The following ASIC2 variants were observed in gnomAD, a reference collection of about 807,000 sequenced individuals.
The protein encoded by ASIC2 is acid sensing ion channel subunit 2.
Under a neutral mutation model 57.3 loss-of-function variants are expected in ASIC2, and 25 were observed. That is an observed-to-expected ratio of 0.44 (90% CI 0.32 to 0.61). The LOEUF is 0.61. Ranked by LOEUF, ASIC2 falls within the 20% of genes least tolerant of loss-of-function variation. ASIC2 has a pLI of 0.06. For synonymous variants in ASIC2, 319 were observed against 307.5 expected, an observed-to-expected ratio of 1.04 and a Z score of -0.39; for missense variants, 641 against 738.1, an observed-to-expected ratio of 0.87 and a Z score of 1.52.
In ASIC2 at chr17:33,425,936, T is replaced by C. The variant is rs150806232; in HGVS notation, c.556-313869A>G. On this transcript the variant is annotated intron_variant, in intron 1 of 9. Transcript: ENST00000359872. ...CGGTCAGGCGCAGCGCCAACAAAAA[T>C]GGCTGTAGGGGTGGAAGGTGAAGCG... Among the ~76,000 whole-genome samples the C allele has an allele frequency of 3.3e-3, 503 of 152,116 alleles. 4 individuals carry two copies. The highest frequency in any genetic ancestry group is 0.012 in the African/African-American group (482 of 41,504).
intron 1 of ASIC2, among the ~76,000 whole-genome samples, chr17:33,761,641 G>A (rs1910783546): frequency 6.6e-6 from 1 of 152,102 alleles, no homozygotes; most frequent in African/African-American, 2.4e-5. Flanking sequence ...GAAATGCCAT[G>A]GCCAAGAACA....
intron 1 of ASIC2, among the ~76,000 whole-genome samples, chr17:33,778,617 C>T (rs1911354436): frequency 6.6e-6 from 1 of 152,132 alleles, no homozygotes; most frequent in Non-Finnish European, 1.5e-5. Context: ...AACAGGCGGC[C>T]TGATATCATA....
At chr17:33,255,306 C>G (rs1187990064) in intron 1 of ASIC2, among the ~76,000 whole-genome samples, 3 of 151,872 alleles carry the variant, frequency 2.0e-5, no homozygotes, top group Non-Finnish European at 1.5e-5. Flanking sequence ...TCCCAAAGTG[C>G]TGGGATTATA....
chr17:33,797,957 C>T (rs759703186), intron 1 of ASIC2, among the ~76,000 whole-genome samples: 13 of 151,938 alleles, frequency 8.6e-5, no homozygotes, highest in East Asian at 3.9e-4. Flanking sequence ...CAGAGCCTGG[C>T]GAGAGAGGGA....
intron 1 of ASIC2, among the ~76,000 whole-genome samples, chr17:33,813,851 G>A (rs1350481871): frequency 2.6e-5 from 4 of 152,180 alleles, no homozygotes; most frequent in Non-Finnish European, 5.9e-5. Flanking sequence ...TTGCTGCCTG[G>A]GAACAGGCAC....
intron 1 of ASIC2, among the ~76,000 whole-genome samples, chr17:34,018,307 T>A (rs888902017): frequency 1.4e-4 from 22 of 152,200 alleles, no homozygotes; most frequent in Non-Finnish European, 7.3e-5. Context: ...ACTGTTGAGA[T>A]CTACTGCACA....
At chr17:34,120,804 T>C (rs1911595857) in intron 1 of ASIC2, among the ~76,000 whole-genome samples, 2 of 136,292 alleles carry the variant, frequency 1.5e-5, no homozygotes, top group African/African-American at 5.5e-5. Context: ...AATGGCACCA[T>C]CTCGGCTCAC....
chr17:33,878,967 A>G (rs1201724390), intron 1 of ASIC2, among the ~76,000 whole-genome samples: 2 of 152,208 alleles, frequency 1.3e-5, no homozygotes, highest in Non-Finnish European at 2.9e-5. Flanking sequence ...ATTCTTAAAG[A>G]AAAGAATTTT....
intron 5 of ASIC2, among the ~76,000 whole-genome samples, chr17:33,024,435 G>A (rs2091851154): frequency 6.6e-6 from 1 of 152,170 alleles, no homozygotes; most frequent in Admixed American, 6.5e-5. Context: ...CATAGCCAGT[G>A]CCCCACCTTC....
At chr17:33,922,351 C>T (rs942001595) in intron 1 of ASIC2, among the ~76,000 whole-genome samples, 1 of 151,898 alleles carries the variant, frequency 6.6e-6, no homozygotes, top group Admixed American at 6.6e-5. Context: ...GGATAACCAA[C>T]TTATTTCTAC....
At chr17:33,328,057 T>G (rs1433584919) in intron 1 of ASIC2, among the ~76,000 whole-genome samples, 1 of 152,224 alleles carries the variant, frequency 6.6e-6, no homozygotes, top group African/African-American at 2.4e-5. Context: ...AATATAGCCC[T>G]GCTAACATTT....
At chr17:33,022,563 A>G (rs922444881) in intron 6 of ASIC2, among the ~76,000 whole-genome samples, 2 of 152,168 alleles carry the variant, frequency 1.3e-5, no homozygotes, top group African/African-American at 4.8e-5. Context: ...GCTCTGACAT[A>G]TCCATGTTCC....
intron 1 of ASIC2, among the ~76,000 whole-genome samples, chr17:34,048,070 T>C (rs987404200): frequency 1.3e-5 from 2 of 152,122 alleles, no homozygotes; most frequent in African/African-American, 4.8e-5. Flanking sequence ...CTTGGAGAGA[T>C]TTTTCTTCTA....
chr17:33,606,458 G>A (rs953703736), intron 1 of ASIC2, among the ~76,000 whole-genome samples: 1 of 152,220 alleles, frequency 6.6e-6, no homozygotes, highest in African/African-American at 2.4e-5. Context: ...AGAGGCATAC[G>A]GGCTCCACAG....
At chr17:33,554,414 T>C (rs1045498541) in intron 1 of ASIC2, among the ~76,000 whole-genome samples, 1 of 151,700 alleles carries the variant, frequency 6.6e-6, no homozygotes, top group African/African-American at 2.4e-5. Flanking sequence ...TGGATGGGGA[T>C]CAATTGAAGG....
At chr17:33,405,333 T>C (rs1443735664) in intron 1 of ASIC2, among the ~76,000 whole-genome samples, 10 of 152,132 alleles carry the variant, frequency 6.6e-5, no homozygotes, top group Admixed American at 6.5e-4. Context: ...GGTACAACTT[T>C]CCAAAGTAGT....
chr17:33,080,416 G>A (rs2092108501), intron 3 of ASIC2, among the ~76,000 whole-genome samples: 2 of 152,230 alleles, frequency 1.3e-5, no homozygotes, highest in Admixed American at 1.3e-4. Context: ...GCAAGAAAAA[G>A]GGAAATGAAG....
At chr17:33,641,011 G>A (rs1336758166) in intron 1 of ASIC2, among the ~76,000 whole-genome samples, 1 of 152,118 alleles carries the variant, frequency 6.6e-6, no homozygotes, top group Non-Finnish European at 1.5e-5. Context: ...GACCCTATGG[G>A]AGAAGGGGTC....
chr17:33,975,960 T>C (rs1454123492), intron 1 of ASIC2, among the ~76,000 whole-genome samples: 1 of 151,990 alleles, frequency 6.6e-6, no homozygotes, highest in African/African-American at 2.4e-5. Flanking sequence ...CCAAAATCTC[T>C]AATCACTGGA....
Sources: allele counts gnomAD v4.1 joint callset (sites outside exome capture counted in the v4.1 genomes callset), GRCh38; gene constraint gnomAD v4.1.1; transcripts MANE v1.5; gene names NCBI Gene and HGNC (gene_info 2026-07-23, HGNC 2026-07-21).